The following LRRC75A variants were observed in gnomAD, a reference collection of about 807,000 sequenced individuals.
LRRC75A encodes the protein leucine rich repeat containing 75A, also known as leucine-rich repeat-containing protein 75A.
Under a neutral mutation model 26.0 loss-of-function variants are expected in LRRC75A, and 12 were observed. The ratio of observed to expected loss-of-function variants is 0.46; its 90% CI spans 0.30 to 0.75. The LOEUF is 0.75. LRRC75A is among the 30% of genes least tolerant of loss of function. The pLI, the probability that LRRC75A is intolerant of heterozygous loss-of-function variation, is 0.08. For missense variants in LRRC75A, 410 were observed against 486.6 expected, an observed-to-expected ratio of 0.84 and a Z score of 1.48; for synonymous variants, 223 against 219.3, an observed-to-expected ratio of 1.02 and a Z score of -0.15.
chr17:16,482,966 C>A (rs950332558), intron 1 of LRRC75A, among the ~76,000 whole-genome samples: 1 of 152,194 alleles, frequency 6.6e-6, no homozygotes, highest in African/African-American at 2.4e-5. Flanking sequence ...TCTCTGTGGA[C>A]AGGACAGAGG....
chr17:16,469,537 C>T (rs1380291182), intron 1 of LRRC75A, among the ~76,000 whole-genome samples: 5 of 152,298 alleles, frequency 3.3e-5, no homozygotes, highest in African/African-American at 7.2e-5. Context: ...GTCCCCATGA[C>T]GGCCTCCTTG....
At position 16,491,726 on chromosome 17, in the gene LRRC75A, G is replaced by A. The variant is rs2093857839; in HGVS notation, c.246+19C>T. On this transcript the variant is annotated intron_variant, in intron 1 of 3. Transcript: ENST00000470794. This position sits in a 1 kb window ranked among gnomAD's most constrained non-coding sequence, Gnocchi z 5.9. ...CCCCCTGGCCCGGCGCGCCCCCCGC[G>A]CCCCCTCCCCGCGCTCACCTGGCGC... The A allele has an allele frequency of 2.3e-6, 3 of 1,279,022 alleles. No individual in the cohort carries two copies. Among genetic ancestry groups the A allele is most frequent in the Non-Finnish European group, 2.0e-6 (2 of 1,007,288 alleles). 79.2% of individuals were successfully genotyped at this position (1,279,022 alleles called of 1,614,324 possible).
chr17:16,462,437 C>A lies in LRRC75A; in HGVS notation c.247-51G>T. The stretch of plus-strand genomic sequence containing the variant: ...GTCAGGGCTGGCTGCCCACCCAGCT[C>A]GCCCACCATCCCCAAGAGAAGTAGG... On this transcript the variant is annotated intron_variant, in intron 1 of 3. Transcript: ENST00000470794. This position sits in a 1 kb window ranked among gnomAD's most constrained non-coding sequence, Gnocchi z 4.6. 1 of 1,608,046 alleles carries A rather than the reference C, an allele frequency of 6.2e-7. No homozygotes were observed. The highest frequency in any genetic ancestry group is 8.5e-7 in the Non-Finnish European group (1 of 1,178,408).
At chr17:16,457,386 C>G (rs1009869792) in intron 2 of LRRC75A, among the ~76,000 whole-genome samples, 1 of 152,236 alleles carries the variant, frequency 6.6e-6, no homozygotes, top group Non-Finnish European at 1.5e-5. Context: ...GAGACTGCAT[C>G]ACTGGGCTCT....
At chr17:16,451,375 C>T (rs562028621) in intron 2 of LRRC75A, among the ~76,000 whole-genome samples, 1 of 152,250 alleles carries the variant, frequency 6.6e-6, no homozygotes, top group Non-Finnish European at 1.5e-5. Context: ...AATCCCAGCA[C>T]GTTGGGAGGC....
At position 16,491,741 on chromosome 17, in the gene LRRC75A, T is replaced by C; in HGVS notation, c.246+4A>G. 2 of 1,340,626 alleles carry C rather than the reference T, an allele frequency of 1.5e-6. No individual in the cohort carries two copies. Among genetic ancestry groups the C allele is most frequent in the Non-Finnish European group, 1.9e-6 (2 of 1,047,958 alleles). The allele number at this position is 1,340,626 out of a possible 1,614,324, so 83.0% of individuals were successfully genotyped here. On this transcript the variant is annotated splice_donor_region_variant and intron_variant, in intron 1 of 3. Transcript: ENST00000470794. This position sits in a 1 kb window ranked among gnomAD's most constrained non-coding sequence, Gnocchi z 5.9. ...CGCCCCCCGCGCCCCCTCCCCGCGCTCACCTGGCGCAGGTGCTGCAGCAGC... is the reference window on the plus strand; with the variant it reads ...CGCCCCCCGCGCCCCCTCCCCGCGCCCACCTGGCGCAGGTGCTGCAGCAGC...
Position 16,442,321 on chromosome 17 carries a change from T to G in LRRC75A, c.*1267A>C, listed in dbSNP as rs190439798. On this transcript the variant is annotated 3_prime_UTR_variant, in exon 4 of 4. Transcript: ENST00000470794. ...CCCCATACTCTAGGCCCCATCTTGC[T>G]GTCTTCCTGTGTTGGAATCTTGCCT... 2.0e-5 allele frequency: 3 copies of G among 152,430 alleles called. No homozygotes were observed. In the East Asian group the frequency reaches 5.8e-4, roughly 29 times the overall value. The allele number at this position is 152,430 out of a possible 1,614,324, so 9.4% of individuals were successfully genotyped here. A position where few individuals can be genotyped will look rare whatever the true frequency, so the allele number is the denominator to read the frequency against.
intron 2 of LRRC75A, among the ~76,000 whole-genome samples, chr17:16,452,172 T>G (rs1407185262): frequency 1.5e-4 from 11 of 73,930 alleles, no homozygotes; most frequent in South Asian, 3.9e-4. Flanking sequence ...GGCAATATAG[T>G]GAGACTTGCT....
At chr17:16,487,817 C>G (rs1412259323) in intron 1 of LRRC75A, among the ~76,000 whole-genome samples, 2 of 152,230 alleles carry the variant, frequency 1.3e-5, no homozygotes, top group Non-Finnish European at 2.9e-5. Flanking sequence ...CAGACAGCAG[C>G]AGGAACCAGG....
intron 2 of LRRC75A, among the ~76,000 whole-genome samples, chr17:16,453,324 ACACG>A (rs2093650186): frequency 1.0e-4 from 14 of 138,418 alleles, no homozygotes; most frequent in African/African-American, 3.1e-4. Context: ...ACACACGCAC[ACACG>A]CACACGCACA....
intron 1 of LRRC75A, among the ~76,000 whole-genome samples, chr17:16,487,747 T>C (rs1480813933): frequency 2.0e-5 from 3 of 152,226 alleles, no homozygotes; most frequent in Non-Finnish European, 4.4e-5. Context: ...GTGGTTCTTG[T>C]TGGCATTAGC....
chr17:16,451,171 A>G (rs1389242001), intron 2 of LRRC75A, among the ~76,000 whole-genome samples: 1 of 152,184 alleles, frequency 6.6e-6, no homozygotes, highest in Non-Finnish European at 1.5e-5. Flanking sequence ...AGAAGACTCC[A>G]TCAGAGCAGC....
rs553332309 is a variant in LRRC75A at position 16,443,584 on chromosome 17, C to T, written c.*4G>A. 39 of 1,511,082 alleles carry T rather than the reference C, an allele frequency of 2.6e-5. No individual in the cohort carries two copies. The highest frequency in any genetic ancestry group is 6.2e-6 in the Non-Finnish European group (7 of 1,120,904). 93.6% of individuals were successfully genotyped at this position (1,511,082 alleles called of 1,614,324 possible). On this transcript the variant is annotated 3_prime_UTR_variant, in exon 4 of 4. Transcript: ENST00000470794. ...ACTCCCTGGTGAGGCCCTTCACTTC[C>T]ATGTCACGTCTGAGCTGCAGCTACA...
At chr17:16,460,850 GCCT>G (rs1375720993) in intron 2 of LRRC75A, 1 of 152,366 alleles carries the variant, frequency 6.6e-6, no homozygotes, top group East Asian at 1.9e-4. Flanking sequence ...ACCTGGCAAG[GCCT>G]CCTCACAGGC....
At position 16,462,721 on chromosome 17, in the gene LRRC75A, T is replaced by G; in HGVS notation, c.247-335A>C. 2 of 274,612 alleles carry G rather than the reference T, an allele frequency of 7.3e-6. No individual in the cohort carries two copies. Among genetic ancestry groups the G allele is most frequent in the Non-Finnish European group, 1.4e-5 (2 of 144,964 alleles). The allele number at this position is 274,612 out of a possible 1,614,324, so 17.0% of individuals were successfully genotyped here. On this transcript the variant is annotated intron_variant, in intron 1 of 3. Transcript: ENST00000470794. This position sits in a 1 kb window ranked among gnomAD's most constrained non-coding sequence, Gnocchi z 4.6. Reference sequence around the variant, plus strand: ...GGCCTGCCTCGGTGCAAGCAGCTGCTTCTCTATGGTGGCAAAATTTGGAAT... The same window carrying G: ...GGCCTGCCTCGGTGCAAGCAGCTGCGTCTCTATGGTGGCAAAATTTGGAAT...
At chr17:16,444,389 G>C (rs1223966206) in intron 3 of LRRC75A, among the ~76,000 whole-genome samples, 1 of 152,208 alleles carries the variant, frequency 6.6e-6, no homozygotes, top group Non-Finnish European at 1.5e-5. Flanking sequence ...GAAAAATTGA[G>C]TTAAGAGTAC....
chr17:16,468,412 G>A (rs567914949), intron 1 of LRRC75A, among the ~76,000 whole-genome samples: 1 of 152,208 alleles, frequency 6.6e-6, no homozygotes, highest in Non-Finnish European at 1.5e-5. Context: ...GCTACAGCAT[G>A]GTGAACCTTG....
In LRRC75A at chr17:16,443,679, G is replaced by GTC; in HGVS notation, c.942_943dup (p.Thr315ArgfsTer3). 6.3e-7 allele frequency: 1 copy of GTC among 1,597,370 alleles called. No individual in the cohort carries two copies. The highest frequency in any genetic ancestry group is 8.5e-7 in the Non-Finnish European group (1 of 1,171,846). On this transcript the variant is annotated frameshift_variant, in exon 4 of 4. Transcript: ENST00000470794. LOFTEE classifies it high-confidence loss of function. Reference sequence around the variant, plus strand: ...CCCTCCAGGGTCCTCCTGGCCTACTGTCCCTTCCCGGACCTCCTCCCCACT... The same window carrying GTC: ...CCCTCCAGGGTCCTCCTGGCCTACTGTCTCCCTTCCCGGACCTCCTCCCCACT...
intron 2 of LRRC75A, among the ~76,000 whole-genome samples, chr17:16,456,948 C>T (rs2093690368): frequency 6.6e-6 from 1 of 152,204 alleles, no homozygotes. Context: ...GAGTGCAGGT[C>T]AGGGCAGCAG....
Sources: gnomAD v4.1 joint callset for allele counts (sites outside exome capture counted in the v4.1 genomes callset) on GRCh38, gnomAD v4.1.1 for gene constraint, Gnocchi (gnomAD v3.1) non-coding constraint, MANE v1.5 for transcripts, NCBI Gene and HGNC (gene_info 2026-07-23, HGNC 2026-07-21) for gene names.